The following SLIT3 variants were observed in gnomAD, a reference collection of about 807,000 sequenced individuals.
SLIT3 encodes slit homolog 3 protein.
In SLIT3, 68 loss-of-function variants were observed where a neutral mutation model predicts 184.0. That is an observed-to-expected ratio of 0.37 (90% CI 0.30 to 0.45). SLIT3 has a LOEUF of 0.45. Ranked by LOEUF, SLIT3 falls within the 20% of genes least tolerant of loss-of-function variation. The pLI, the probability that SLIT3 is intolerant of heterozygous loss-of-function variation, is 1.00. For missense variants in SLIT3, 1,707 were observed against 2,026.0 expected (o/e 0.84, Z 3.02); for synonymous variants, 831 against 828.6 (o/e 1.00, Z -0.05).
intron 3 of SLIT3, among the ~76,000 whole-genome samples, chr5:169,222,130 G>C (rs1764636567): frequency 6.6e-6 from 1 of 152,178 alleles, no homozygotes; most frequent in South Asian, 2.1e-4. Context: ...GGCGGCTTTT[G>C]AGATTTTTAA....
At chr5:168,851,054 C>CT (rs1561967716) in intron 5 of SLIT3, among the ~76,000 whole-genome samples, 6 of 152,090 alleles carry the variant, frequency 3.9e-5, no homozygotes, top group African/African-American at 1.4e-4. Flanking sequence ...CCAGGTGCAG[C>CT]GGTTCACGCC....
At chr5:169,082,359 A>AAG (rs1180990712) in intron 4 of SLIT3, among the ~76,000 whole-genome samples, 9 of 152,208 alleles carry the variant, frequency 5.9e-5, no homozygotes, top group Non-Finnish European at 8.8e-5. Flanking sequence ...TTGCTGGCCA[A>AAG]AGGCCCAGTT....
chr5:168,964,975 G>A (rs1763135219), intron 4 of SLIT3, among the ~76,000 whole-genome samples: 1 of 152,182 alleles, frequency 6.6e-6, no homozygotes, highest in East Asian at 1.9e-4. Context: ...CCAAGACTAG[G>A]GAGACGTGTC....
At chr5:168,984,003 T>G (rs572996986) in intron 4 of SLIT3, among the ~76,000 whole-genome samples, 38 of 152,164 alleles carry the variant, frequency 2.5e-4, no homozygotes, top group African/African-American at 8.9e-4. Context: ...TGAGCTATGA[T>G]CATGCCACTG....
chr5:169,201,785 A>C (rs1211978431), intron 3 of SLIT3, among the ~76,000 whole-genome samples: 1 of 152,260 alleles, frequency 6.6e-6, no homozygotes, highest in Non-Finnish European at 1.5e-5. Context: ...TTGACCCAGC[A>C]GTGACTCATA....
Position 169,239,588 on chromosome 5 carries a change from C to T in SLIT3, c.341+5117G>A, listed in dbSNP as rs933361270. On this transcript the variant is annotated intron_variant, in intron 3 of 35. Transcript: ENST00000519560. Reference sequence around the variant, plus strand: ...AGATAAACTTGTTCAAAGTCTGCTCCTATTATCACTTTAATATTTATAATA... The same window carrying T: ...AGATAAACTTGTTCAAAGTCTGCTCTTATTATCACTTTAATATTTATAATA... 3.3e-5 allele frequency among the ~76,000 whole-genome samples: 5 copies of T among 151,954 alleles called. No individual in the cohort carries two copies. The East Asian group carries it at 9.6e-4, about 29-fold the overall frequency.
intron 4 of SLIT3, among the ~76,000 whole-genome samples, chr5:169,173,092 T>A (rs1318582442): frequency 6.6e-6 from 1 of 152,106 alleles, no homozygotes; most frequent in African/African-American, 2.4e-5. Flanking sequence ...TGAAACCCCG[T>A]CTCTACTAAA....
At chr5:169,153,510 T>A (rs1159323213) in intron 4 of SLIT3, among the ~76,000 whole-genome samples, 3 of 152,262 alleles carry the variant, frequency 2.0e-5, no homozygotes, top group African/African-American at 7.2e-5. Context: ...CCAAGTTTGC[T>A]GTCTTACTCT....
intron 4 of SLIT3, among the ~76,000 whole-genome samples, chr5:168,924,002 C>T (rs1761724522): frequency 6.6e-6 from 1 of 152,220 alleles, no homozygotes; most frequent in African/African-American, 2.4e-5. Flanking sequence ...GTCACAGAGA[C>T]TGTCTGGCCT....
intron 4 of SLIT3, among the ~76,000 whole-genome samples, chr5:169,125,059 T>C (rs1761027640): frequency 6.6e-6 from 1 of 152,202 alleles, no homozygotes; most frequent in African/African-American, 2.4e-5. Context: ...TTTTGTTTTT[T>C]GTTTTTTGAG....
At chr5:168,682,346 C>T (rs1366994719) in intron 32 of SLIT3, among the ~76,000 whole-genome samples, 1 of 152,206 alleles carries the variant, frequency 6.6e-6, no homozygotes, top group Non-Finnish European at 1.5e-5. Flanking sequence ...ACTCAGACTG[C>T]TCTTTCTGCA....
At chr5:168,992,386 C>T (rs867576170) in intron 4 of SLIT3, among the ~76,000 whole-genome samples, 3 of 152,186 alleles carry the variant, frequency 2.0e-5, no homozygotes, top group East Asian at 3.8e-4. Flanking sequence ...TTATGATGAC[C>T]GAATCCTGTA....
chr5:168,809,029 C>T (rs1283098011), intron 8 of SLIT3, among the ~76,000 whole-genome samples: 1 of 152,064 alleles, frequency 6.6e-6, no homozygotes, highest in East Asian at 1.9e-4. Context: ...ACTGGATGGC[C>T]CTCCCTCTTT....
chr5:168,925,425 G>A (rs1335496445), intron 4 of SLIT3, among the ~76,000 whole-genome samples: 6 of 152,160 alleles, frequency 3.9e-5, no homozygotes, highest in East Asian at 1.9e-4. Flanking sequence ...GCTCCAGAGC[G>A]ACACCATGAC....
rs190805943 is a variant in SLIT3 at position 168,680,048 on chromosome 5, G to A, written c.3686+3918C>T. 4.1e-4 allele frequency among the ~76,000 whole-genome samples: 62 copies of A among 152,342 alleles called. 1 individual carries two copies. In the East Asian group the frequency reaches 0.01, roughly 25 times the overall value. Reference sequence around the variant, plus strand: ...GATATCTCACATAGAAACCCCGGTGGTCCCGCTTCTCTTGATAATCTATAT... The same window carrying A: ...GATATCTCACATAGAAACCCCGGTGATCCCGCTTCTCTTGATAATCTATAT... On this transcript the variant is annotated intron_variant, in intron 32 of 35. Coordinates refer to ENST00000519560, the MANE Select transcript of SLIT3 (RefSeq NM_003062.4).
At chr5:169,210,314 T>C (rs961982575) in intron 3 of SLIT3, among the ~76,000 whole-genome samples, 39 of 152,036 alleles carry the variant, frequency 2.6e-4, no homozygotes, top group Admixed American at 1.8e-3. Flanking sequence ...GGCAAATAAA[T>C]GCACAAAAAA....
intron 4 of SLIT3, among the ~76,000 whole-genome samples, chr5:169,181,900 A>AT (rs1479939686): frequency 6.6e-6 from 1 of 152,166 alleles, no homozygotes; most frequent in Non-Finnish European, 1.5e-5. Flanking sequence ...TAGACAGAGC[A>AT]TTTTGACCTC....
chr5:168,812,881 C>T (rs1183784765), intron 8 of SLIT3, among the ~76,000 whole-genome samples: 1 of 146,420 alleles, frequency 6.8e-6, no homozygotes, highest in Non-Finnish European at 1.5e-5. Flanking sequence ...AGTAACTAGT[C>T]CCAAATTAAA....
At chr5:168,987,200 A>G (rs943560389) in intron 4 of SLIT3, among the ~76,000 whole-genome samples, 1 of 151,818 alleles carries the variant, frequency 6.6e-6, no homozygotes, top group Non-Finnish European at 1.5e-5. Context: ...AATCCTGACA[A>G]CTCTAGTTCT....
Sources: gnomAD v4.1 joint callset for allele counts (sites outside exome capture counted in the v4.1 genomes callset) on GRCh38, gnomAD v4.1.1 for gene constraint, MANE v1.5 for transcripts, NCBI Gene and HGNC (gene_info 2026-07-23, HGNC 2026-07-21) for gene names.